NKAIN2: variants seen among roughly 807,000 people sequenced by gnomAD.
NKAIN2 encodes the protein sodium/potassium-transporting ATPase subunit beta-1-interacting protein 2.
In NKAIN2, 14 loss-of-function variants were observed where a neutral mutation model predicts 32.6. The ratio of observed to expected loss-of-function variants is 0.43; its 90% confidence interval spans 0.28 to 0.67. The LOEUF (loss-of-function observed/expected upper bound fraction) is 0.67, where lower values mean the gene tolerates loss of function less well. Among genes scored for constraint, NKAIN2 ranks in the 30% least tolerant of loss-of-function variants. The pLI, the probability that NKAIN2 is intolerant of heterozygous loss-of-function variation, is 0.17. For synonymous variants in NKAIN2, 80 were observed against 87.2 expected (o/e 0.92, Z 0.46); for missense variants, 198 against 258.3 (o/e 0.77, Z 1.60).
chr6:124,790,938 T>C (rs1485412818), intron 4 of NKAIN2, among the ~76,000 whole-genome samples: 1 of 152,138 alleles, frequency 6.6e-6, no homozygotes, highest in Admixed American at 6.6e-5. Flanking sequence ...AAAGCGTTTT[T>C]CTGACGGTCT....
intron 3 of NKAIN2, among the ~76,000 whole-genome samples, chr6:124,625,022 A>G (rs1308667445): frequency 6.6e-6 from 1 of 152,172 alleles, no homozygotes; most frequent in East Asian, 1.9e-4. Context: ...AGATAATTAA[A>G]TATTTAAGCT....
At chr6:123,981,243 G>T (rs1244152102) in intron 1 of NKAIN2, among the ~76,000 whole-genome samples, 1 of 152,024 alleles carries the variant, frequency 6.6e-6, no homozygotes, top group African/African-American at 2.4e-5. Context: ...ACATGAAGAG[G>T]GTACTGTCTT....
intron 1 of NKAIN2, among the ~76,000 whole-genome samples, chr6:123,976,330 CATAT>C (rs1226961918): frequency 0.05 from 1,707 of 34,466 alleles, 296 homozygotes; most frequent in Middle Eastern, 0.083. Context: ...TATATGTTCC[CATAT>C]ATATATATGT....
intron 2 of NKAIN2, among the ~76,000 whole-genome samples, chr6:124,335,183 AT>A (rs1489183672): frequency 2.6e-5 from 4 of 152,198 alleles, no homozygotes; most frequent in Non-Finnish European, 5.9e-5. Context: ...ATAAAAGCAA[AT>A]TGGGAAGTTG....
intron 3 of NKAIN2, among the ~76,000 whole-genome samples, chr6:124,533,684 T>C (rs514485): frequency 0.97 from 148,086 of 152,144 alleles, 72,186 homozygotes; most frequent in East Asian, 1. Flanking sequence ...ACATTCAGCA[T>C]ACAGATGTTC....
rs557664995 is a variant in NKAIN2 at position 124,767,751 on chromosome 6, G to T, written c.475-23588G>T. On this transcript the variant is annotated intron_variant, in intron 4 of 6. Transcript: ENST00000368417. ...GCATCCATGCTCTGAAGCCAGTAAG[G>T]GTGTGGTTTTCTGCTTCTATTTTAG... Among the ~76,000 whole-genome samples the T allele has an allele frequency of 2.6e-5, 4 of 152,142 alleles. No individual in the cohort carries two copies. In the South Asian group the frequency reaches 8.3e-4, roughly 32 times the overall value.
chr6:124,180,450 C>T (rs1380037357), intron 1 of NKAIN2, among the ~76,000 whole-genome samples: 1 of 152,090 alleles, frequency 6.6e-6, no homozygotes, highest in East Asian at 1.9e-4. Flanking sequence ...CCCTATGATT[C>T]AATTACCTCC....
chr6:124,531,060 T>TA (rs1157537920), intron 3 of NKAIN2, among the ~76,000 whole-genome samples: 1 of 152,200 alleles, frequency 6.6e-6, no homozygotes, highest in Admixed American at 6.5e-5. Context: ...GGATATCCCT[T>TA]AATCTAGTCA....
chr6:123,804,599 C>T (rs1773136802), intron 1 of NKAIN2, among the ~76,000 whole-genome samples: 1 of 152,184 alleles, frequency 6.6e-6, no homozygotes, highest in Non-Finnish European at 1.5e-5. Flanking sequence ...ATTTACCGTA[C>T]AGGTTGTTAA....
At chr6:124,134,937 C>G (rs540830058) in intron 1 of NKAIN2, among the ~76,000 whole-genome samples, 5 of 152,022 alleles carry the variant, frequency 3.3e-5, no homozygotes, top group Admixed American at 6.6e-5. Context: ...TCAGATTAAC[C>G]GCAGATTTCT....
intron 4 of NKAIN2, among the ~76,000 whole-genome samples, chr6:124,676,719 C>T (rs1202343534): frequency 1.3e-5 from 2 of 152,170 alleles, no homozygotes; most frequent in Admixed American, 1.3e-4. Flanking sequence ...CCACCTTAGT[C>T]TCCCAAAGTA....
At chr6:124,184,751 A>G (rs1256847614) in intron 1 of NKAIN2, among the ~76,000 whole-genome samples, 7 of 152,152 alleles carry the variant, frequency 4.6e-5, no homozygotes, top group Non-Finnish European at 1.0e-4. Flanking sequence ...GATCAACAAA[A>G]TATCTTTATT....
intron 1 of NKAIN2, among the ~76,000 whole-genome samples, chr6:123,946,376 G>A (rs1777065617): frequency 6.6e-6 from 1 of 151,928 alleles, no homozygotes. Flanking sequence ...GGCATGATGA[G>A]GTAAATGTGA....
intron 4 of NKAIN2, among the ~76,000 whole-genome samples, chr6:124,757,956 C>T (rs1321371687): frequency 6.6e-6 from 1 of 152,094 alleles, no homozygotes; most frequent in Non-Finnish European, 1.5e-5. Flanking sequence ...ATGAGATTCT[C>T]TTTATTGAGG....
intron 1 of NKAIN2, among the ~76,000 whole-genome samples, chr6:124,105,863 G>C (rs1384446460): frequency 1.3e-5 from 2 of 152,138 alleles, no homozygotes; most frequent in South Asian, 4.2e-4. Context: ...AAGTAACAAT[G>C]ATAGCAAACA....
chr6:123,926,704 T>A (rs1305581806), intron 1 of NKAIN2, among the ~76,000 whole-genome samples: 1 of 152,208 alleles, frequency 6.6e-6, no homozygotes, highest in Non-Finnish European at 1.5e-5. Context: ...AATATTTTCC[T>A]TATCTAAATG....
chr6:123,991,828 C>G (rs112722764), intron 1 of NKAIN2, among the ~76,000 whole-genome samples: 4,649 of 152,118 alleles, frequency 0.031, 265 homozygotes, highest in African/African-American at 0.11. Context: ...CACCACTGCA[C>G]TCCACAGCCT....
chr6:124,507,501 T>C (rs1644975184), intron 3 of NKAIN2, among the ~76,000 whole-genome samples: 1 of 152,164 alleles, frequency 6.6e-6, no homozygotes, highest in South Asian at 2.1e-4. Context: ...AATATATGCT[T>C]TTGGTAGTCA....
intron 3 of NKAIN2, among the ~76,000 whole-genome samples, chr6:124,431,841 A>G (rs1019466710): frequency 1.3e-5 from 2 of 152,172 alleles, no homozygotes; most frequent in Non-Finnish European, 2.9e-5. Flanking sequence ...ATAAATCCTT[A>G]TGTAAAGAGA....
Sources: allele counts gnomAD v4.1 joint callset (sites outside exome capture counted in the v4.1 genomes callset), GRCh38; gene constraint gnomAD v4.1.1; transcripts MANE v1.5; gene names NCBI Gene and HGNC (gene_info 2026-07-23, HGNC 2026-07-21).